MBIP: variants seen among roughly 807,000 people sequenced by gnomAD.
The protein encoded by MBIP is MAP3K12 binding inhibitory protein 1.
A neutral mutation model predicts 45.7 loss-of-function variants in MBIP; 32 were observed. That is an observed-to-expected ratio of 0.70 (90% CI 0.53 to 0.94). The LOEUF (loss-of-function observed/expected upper bound fraction) is 0.94, where lower values mean the gene tolerates loss of function less well. Ranked by LOEUF, MBIP falls within the 40% of genes least tolerant of loss-of-function variation. The pLI, the probability that MBIP is intolerant of heterozygous loss-of-function variation, is 0.00. For missense variants in MBIP, 381 were observed against 405.5 expected (o/e 0.94, Z 0.52); for synonymous variants, 145 against 141.0 (o/e 1.03, Z -0.20).
At chr14:36,302,964 G>A (rs967466811) in intron 7 of MBIP, among the ~76,000 whole-genome samples, 19 of 152,178 alleles carry the variant, frequency 1.2e-4, no homozygotes, top group African/African-American at 4.1e-4. Flanking sequence ...GCTGGGCAGT[G>A]GCAGTGAGCA....
intron 7 of MBIP, 43 bp downstream of exon 7, chr14:36,308,049 A>T (rs1879985555): frequency 9.4e-7 from 1 of 1,065,542 alleles, no homozygotes. Context: ...AATCCAGAAT[A>T]CAATAACATT....
At position 36,308,136 on chromosome 14, in the gene MBIP, T is replaced by C; in HGVS notation, c.844A>G (p.Ile282Val). 6.2e-7 allele frequency: 1 copy of C among 1,606,844 alleles called. No individual in the cohort carries two copies. Among genetic ancestry groups the C allele is most frequent in the Non-Finnish European group, 8.5e-7 (1 of 1,175,158 alleles). Residue 282 changes from isoleucine to valine, a missense_variant, in exon 7 of 9, where the codon ATC becomes GTC. Transcript: ENST00000416007. ...GGAGAGATGCCTTCCAATTCAAGGA[T>C]TTTATCCTCAAGTTTTTTAATTCTC... is the stretch of plus-strand genomic sequence containing the variant. ...YQRIKKLEDK[I>V]LELEGISPEY...
In MBIP at chr14:36,314,727, A is replaced by G. The variant is rs1010690973; in HGVS notation, c.438T>C (p.Asp146=). 2 of 1,613,484 alleles carry G rather than the reference A, an allele frequency of 1.2e-6. No homozygotes were observed. Among genetic ancestry groups the G allele is most frequent in the Admixed American group, 1.7e-5 (1 of 59,968 alleles). ...RDVKKTQIHF[D]PEVVQIKAGK... The stretch of plus-strand genomic sequence containing the variant: ...CAGCCTTTATCTGAACTACTTCTGG[A>G]TCAAAATGGATCTGTGTCTTTTTCA... The change falls in exon 3 of 9, where the codon GAT becomes GAC. Residue 146 remains aspartate, a synonymous_variant. Coordinates refer to ENST00000416007, the MANE Select transcript of MBIP (RefSeq NM_016586.3).
rs763674538 is a variant in MBIP at position 36,300,824 on chromosome 14, C to T, written c.889-1G>A. ...CTTTTCTTCTTTTTCCAGAAAAGCT[C>T]TAGATTAAAAAAAAAAAGGTAATGT... is the stretch of plus-strand genomic sequence containing the variant. On this transcript the variant is annotated splice_acceptor_variant, in intron 7 of 8. Transcript: ENST00000416007. LOFTEE classifies it high-confidence loss of function. The T allele has an allele frequency of 2.7e-6, 4 of 1,492,222 alleles. No individual in the cohort carries two copies. The Admixed American group carries it at 8.4e-5, about 31-fold the overall frequency. 92.4% of individuals were successfully genotyped at this position (1,492,222 alleles called of 1,614,324 possible). A position where few individuals can be genotyped will look rare whatever the true frequency, so the allele number is the denominator to read the frequency against.
At chr14:36,319,677 T>C (rs901513024) in intron 1 of MBIP, 5 of 271,696 alleles carry the variant, frequency 1.8e-5, no homozygotes, top group African/African-American at 4.6e-5. Flanking sequence ...CTATGTAAGA[T>C]AGAAAATATT....
In MBIP at chr14:36,307,406, TA is replaced by T. The variant is rs889277554; in HGVS notation, c.888+685del. ...TTTTAGTTCTAATATGGTACTGCTT[TA>T]AAAAAAAAACAAAACTTAGAGAAGG... On this transcript the variant is annotated intron_variant, in intron 7 of 8. Transcript: ENST00000416007. Among the ~76,000 whole-genome samples the T allele has an allele frequency of 9.4e-4, 139 of 147,842 alleles. 1 individual carries two copies. The highest frequency in any genetic ancestry group is 2.5e-3 in the African/African-American group (102 of 40,278).
intron 6 of MBIP, among the ~76,000 whole-genome samples, chr14:36,308,915 T>C (rs929552870): frequency 1.3e-5 from 2 of 152,182 alleles, no homozygotes; most frequent in African/African-American, 2.4e-5. Flanking sequence ...TTAGATCACA[T>C]CATTTCTCTG....
chr14:36,300,816 G>T lies in MBIP; in HGVS notation c.896C>A (p.Ser299Tyr). 6.6e-7 allele frequency: 1 copy of T among 1,513,838 alleles called. No homozygotes were observed. Among genetic ancestry groups the T allele is most frequent in the Non-Finnish European group, 8.9e-7 (1 of 1,119,982 alleles). 93.8% of individuals were successfully genotyped at this position (1,513,838 alleles called of 1,614,324 possible). A position where few individuals can be genotyped will look rare whatever the true frequency, so the allele number is the denominator to read the frequency against. ...SPEYFQSVSF[S>Y]GKRRKVQPPQ... ...TGGTTGAACTTTTCTTCTTTTTCCA[G>T]AAAAGCTCTAGATTAAAAAAAAAAA... The change falls in exon 8 of 9, where the codon TCT becomes TAT. Residue 299 changes from serine to tyrosine, a missense_variant. Ser to Tyr is a moderately radical substitution (Grantham distance 144). Transcript: ENST00000416007.
chr14:36,300,869 A>G, intron 7 of MBIP, 46 bp from the exon 8 acceptor site: 1 of 1,183,368 alleles, frequency 8.5e-7, no homozygotes, highest in Non-Finnish European at 1.2e-6. Flanking sequence ...TCTAAGCATC[A>G]TTTTTTTTTC....
intron 7 of MBIP, chr14:36,305,154 G>A (rs1040993917): frequency 6.6e-6 from 1 of 152,212 alleles, no homozygotes; most frequent in African/African-American, 2.4e-5. Flanking sequence ...TGTAAGGTAT[G>A]TGCTCAACTT....
At chr14:36,319,893 G>T in intron 1 of MBIP, 1 of 165,726 alleles carries the variant, frequency 6.0e-6, no homozygotes, top group Non-Finnish European at 1.3e-5. Context: ...AACGCCAACA[G>T]CATTTTACGC....
chr14:36,311,646 C>A lies in MBIP; in HGVS notation c.717G>T (p.Met239Ile). The change falls in exon 6 of 9, where the codon ATG (methionine) becomes ATT (isoleucine). Residue 239 changes from methionine to isoleucine, a missense_variant. Physicochemically the swap from Met to Ile is conservative, Grantham distance 10. Coordinates refer to ENST00000416007, the MANE Select transcript of MBIP (RefSeq NM_016586.3). ...CAGCCTGATTACCACAGTCTCGAAG[C>A]ATGCTGTTAGGTTTATGACCTGACC... Reference protein sequence around the residue: ...IPGSGHKPNSMLRDCGNQAVE... With the variant: ...IPGSGHKPNSILRDCGNQAVE... 1.2e-6 allele frequency: 2 copies of A among 1,613,546 alleles called. No homozygotes were observed. The highest frequency in any genetic ancestry group is 2.2e-5 in the South Asian group (2 of 91,050).
chr14:36,314,599 G>A lies in MBIP; in HGVS notation c.484C>T (p.Arg162Ter), dbSNP rs192945923. 1.5e-5 allele frequency: 24 copies of A among 1,609,732 alleles called. No individual in the cohort carries two copies. The highest frequency in any genetic ancestry group is 1.2e-4 in the African/African-American group (9 of 74,778). Residue 162 changes from arginine to a stop codon, truncating the protein, a stop_gained, in exon 4 of 9, where the codon CGA (arginine) becomes TGA (stop). Transcript: ENST00000416007. LOFTEE classifies it high-confidence loss of function. ...TTTCTTTCAATAAATGCAGATATTC[G>A]TCTGTCAATCTACAAACAACAAGTT... ...IKAGKAEIDR[R>*]ISAFIERKQA...
At position 36,320,484 on chromosome 14, in the gene MBIP, G is replaced by C. The variant is rs1880836308; in HGVS notation, c.105C>G (p.Arg35=). Residue 35 remains arginine (R), a synonymous_variant, in exon 1 of 9, where the codon CGC becomes CGG. Coordinates refer to ENST00000416007, the MANE Select transcript of MBIP (RefSeq NM_016586.3). The part of the protein sequence containing the change: ...LSREVLYEIF[R]SLHTLVGQLD... ...CCTGTCCAACCAGGGTGTGTAGGGA[G>C]CGAAAGATTTCGTAGAGCACCTCTC... 2 of 1,614,080 alleles carry C rather than the reference G, an allele frequency of 1.2e-6. No homozygotes were observed. Among genetic ancestry groups the C allele is most frequent in the African/African-American group, 2.7e-5 (2 of 75,016 alleles).
At chr14:36,311,922 C>CACCACA in intron 5 of MBIP, 37 bp downstream of exon 5, 1 of 1,456,536 alleles carries the variant, frequency 6.9e-7, no homozygotes. Flanking sequence ...ATCTAGACTT[C>CACCACA]TGTCAGTGAC....
At chr14:36,304,685 C>T (rs1594509409) in intron 7 of MBIP, among the ~76,000 whole-genome samples, 1 of 152,284 alleles carries the variant, frequency 6.6e-6, no homozygotes, top group Non-Finnish European at 1.5e-5. Context: ...TGTCATAAAT[C>T]CTGTTTTATA....
Position 36,314,595 on chromosome 14 carries a change from A to G in MBIP, c.488T>C (p.Ile163Thr), listed in dbSNP as rs764902116. Residue 163 changes from isoleucine (I) to threonine (T), a missense_variant, in exon 4 of 9, where the codon ATA becomes ACA. Physicochemically the swap from Ile to Thr is moderately conservative, Grantham distance 89. Transcript: ENST00000416007. ...KAGKAEIDRR[I>T]SAFIERKQAE... Reference sequence around the variant, plus strand: ...TTGCTTTCTTTCAATAAATGCAGATATTCGTCTGTCAATCTACAAACAACA... The same window carrying G: ...TTGCTTTCTTTCAATAAATGCAGATGTTCGTCTGTCAATCTACAAACAACA... 6.2e-7 allele frequency: 1 copy of G among 1,610,890 alleles called. No homozygotes were observed. The highest frequency in any genetic ancestry group is 8.5e-7 in the Non-Finnish European group (1 of 1,178,780).
chr14:36,317,253 T>G (rs1395157835), intron 1 of MBIP, among the ~76,000 whole-genome samples: 1 of 152,204 alleles, frequency 6.6e-6, no homozygotes, highest in Non-Finnish European at 1.5e-5. Flanking sequence ...TCTTTCTCTT[T>G]AAGTATGTAC....
intron 2 of MBIP, among the ~76,000 whole-genome samples, chr14:36,316,014 T>C (rs1270856360): frequency 6.6e-6 from 1 of 152,142 alleles, no homozygotes; most frequent in African/African-American, 2.4e-5. Flanking sequence ...ACATCAATTA[T>C]AATTGCAAAG....
Sources: gnomAD v4.1 joint callset for allele counts (sites outside exome capture counted in the v4.1 genomes callset) on GRCh38, gnomAD v4.1.1 for gene constraint, MANE v1.5 for transcripts, NCBI Gene and HGNC (gene_info 2026-07-23, HGNC 2026-07-21) for gene names.